Variants in HECW1 observed in about 807,000 individuals in gnomAD.
HECW1 encodes HECT, C2 and WW domain containing E3 ubiquitin protein ligase 1.
HECW1 carries 61 observed loss-of-function variants against 182.3 expected under a neutral mutation model. That is an observed-to-expected ratio of 0.33 (90% CI 0.27 to 0.41). HECW1 has a LOEUF of 0.41. HECW1 is among the 10% of genes least tolerant of loss of function. HECW1 has a pLI of 1.00. For synonymous variants in HECW1, 859 were observed against 832.6 expected (o/e 1.03, Z -0.55); for missense variants, 1,739 against 2,108.9 (o/e 0.82, Z 3.44).
chr7:43,350,522 CA>C (rs1167388736), intron 5 of HECW1, among the ~76,000 whole-genome samples: 1 of 152,130 alleles, frequency 6.6e-6, no homozygotes, highest in African/African-American at 2.4e-5. Flanking sequence ...GGTCATTTAA[CA>C]TAATCCCAGA....
At chr7:43,423,232 G>A (rs1312854318) in intron 8 of HECW1, among the ~76,000 whole-genome samples, 1 of 152,092 alleles carries the variant, frequency 6.6e-6, no homozygotes, top group Non-Finnish European at 1.5e-5. Context: ...ATTTCCCCAG[G>A]ACAGCAGTTT....
intron 15 of HECW1, 103 bp from the exon 16 acceptor site, chr7:43,468,817 G>A (rs1585003345): frequency 6.0e-6 from 6 of 992,282 alleles, no homozygotes; most frequent in South Asian, 1.6e-5. Flanking sequence ...ATAAACTGCT[G>A]TGTCACAATC....
At chr7:43,338,284 C>T (rs2152798395) in intron 5 of HECW1, among the ~76,000 whole-genome samples, 1 of 152,306 alleles carries the variant, frequency 6.6e-6, no homozygotes, top group South Asian at 2.1e-4. Flanking sequence ...TAGGGGACTG[C>T]AGCGTCAGTG....
intron 3 of HECW1, among the ~76,000 whole-genome samples, chr7:43,301,259 C>T (rs140778841): frequency 3.3e-5 from 5 of 152,332 alleles, no homozygotes; most frequent in East Asian, 1.9e-4. Flanking sequence ...AGTAAAGATA[C>T]GCTTTTCCAC....
At chr7:43,120,632 C>CTATT (rs55689806) in intron 2 of HECW1, among the ~76,000 whole-genome samples, 28,070 of 151,692 alleles carry the variant, frequency 0.19, 2,724 homozygotes, top group South Asian at 0.24. Flanking sequence ...TAAATCCCCT[C>CTATT]TATTTATTTA....
chr7:43,442,695 A>G, intron 10 of HECW1, 66 bp downstream of exon 10: 3 of 1,057,378 alleles, frequency 2.8e-6, no homozygotes, highest in Admixed American at 1.9e-5. Flanking sequence ...CCTTTTTCTA[A>G]AATACAATAA....
intron 3 of HECW1, among the ~76,000 whole-genome samples, chr7:43,291,577 A>G (rs1345514577): frequency 1.3e-5 from 2 of 152,242 alleles, no homozygotes; most frequent in Non-Finnish European, 2.9e-5. Flanking sequence ...GCACAAAGCA[A>G]GGAAACTTGA....
At chr7:43,120,834 G>A (rs1451028336) in intron 2 of HECW1, among the ~76,000 whole-genome samples, 1 of 151,934 alleles carries the variant, frequency 6.6e-6, no homozygotes, top group South Asian at 2.1e-4. Context: ...TGCAGAGATG[G>A]GTTTTCACCA....
rs57627873 is a variant in HECW1 at position 43,429,289 on chromosome 7, CATATATATAT to C, written c.802-8676_802-8667del. Among the ~76,000 whole-genome samples, 896 of 106,612 alleles carry C rather than the reference CATATATATAT, an allele frequency of 8.4e-3. 2 individuals carry two copies. The highest frequency in any genetic ancestry group is 0.012 in the East Asian group (49 of 4,164). 69.9% of individuals were successfully genotyped at this position (106,612 alleles called of 152,430 possible). A position where few individuals can be genotyped will look rare whatever the true frequency, so the allele number is the denominator to read the frequency against. ...ATATAAACTTTCCATATATTATATG[CATATATATAT>C]ATATATATATATATATATATATATA... is the stretch of plus-strand genomic sequence containing the variant. On this transcript the variant is annotated intron_variant, in intron 8 of 29. Coordinates refer to ENST00000395891, the MANE Select transcript of HECW1 (RefSeq NM_015052.5).
Position 43,485,717 on chromosome 7 carries a change from C to T in HECW1, c.3234+5973C>T, listed in dbSNP as rs76976176. The stretch of plus-strand genomic sequence containing the variant: ...AATATAAAAGATTTAAAAAATAGTA[C>T]ACCTGTATAGGATACTTACAGTGAA... On this transcript the variant is annotated intron_variant, in intron 17 of 29. Coordinates refer to ENST00000395891, the MANE Select transcript of HECW1 (RefSeq NM_015052.5). 1.5e-4 allele frequency among the ~76,000 whole-genome samples: 23 copies of T among 151,590 alleles called. 1 individual carries two copies. The East Asian group carries it at 3.7e-3, about 24-fold the overall frequency.
chr7:43,201,394 A>G (rs1795004413), intron 2 of HECW1, among the ~76,000 whole-genome samples: 1 of 152,224 alleles, frequency 6.6e-6, no homozygotes, highest in African/African-American at 2.4e-5. Context: ...GTGCATGTTC[A>G]TGGGGAAGCA....
intron 12 of HECW1, among the ~76,000 whole-genome samples, chr7:43,453,361 G>A (rs1664727275): frequency 6.6e-6 from 1 of 152,172 alleles, no homozygotes; most frequent in African/African-American, 2.4e-5. Context: ...GTGAGAGAAA[G>A]ATAGGTATCA....
Position 43,127,087 on chromosome 7 carries a change from T to C in HECW1, c.-32+12696T>C, listed in dbSNP as rs145661529. ...TATCAAAAGCTAGAAATGATCAAGC[T>C]TAGTGAGGACGGCATGTCAAAAGCC... On this transcript the variant is annotated intron_variant, in intron 2 of 29. Transcript: ENST00000395891. Among the ~76,000 whole-genome samples, 415 of 152,316 alleles carry C rather than the reference T, an allele frequency of 2.7e-3. 3 individuals are homozygous for C. Among genetic ancestry groups the C allele is most frequent in the African/African-American group, 8.6e-3 (359 of 41,574 alleles).
intron 2 of HECW1, among the ~76,000 whole-genome samples, chr7:43,217,067 A>T (rs1440433451): frequency 2.0e-5 from 3 of 151,026 alleles, no homozygotes; most frequent in Non-Finnish European, 4.4e-5. Flanking sequence ...CCATTTTAAT[A>T]GCTCCTTCTC....
At chr7:43,463,854 G>A in intron 14 of HECW1, 55 bp downstream of exon 14, 2 of 1,590,656 alleles carry the variant, frequency 1.3e-6, no homozygotes, top group Non-Finnish European at 1.7e-6. Context: ...CTGTGTGACA[G>A]AGGGCTACAA....
chr7:43,154,710 T>G (rs1170151088), intron 2 of HECW1, among the ~76,000 whole-genome samples: 1 of 152,200 alleles, frequency 6.6e-6, no homozygotes, highest in African/African-American at 2.4e-5. Flanking sequence ...CAGGAATGTC[T>G]TAAGCCACAC....
At chr7:43,414,154 T>C (rs1174526272) in intron 8 of HECW1, among the ~76,000 whole-genome samples, 22 of 149,036 alleles carry the variant, frequency 1.5e-4, no homozygotes, top group East Asian at 3.9e-4. Context: ...CTAGTTCTCC[T>C]TGAAGAGGTC....
chr7:43,482,331 A>T (rs139544422), intron 17 of HECW1, among the ~76,000 whole-genome samples: 2,055 of 152,326 alleles, frequency 0.013, 19 homozygotes, highest in Non-Finnish European at 0.022. Context: ...TGGTATCAAA[A>T]TAGAGGGGAG....
chr7:43,407,694 T>C lies in HECW1; in HGVS notation c.764T>C (p.Ile255Thr). ...CATGGACAGGAGAGGAGATCCAAGA[T>C]CATAGGCAACACCGTGAACCCCATC... ...PHHGQERRSK[I>T]IGNTVNPIWQ... Residue 255 changes from isoleucine to threonine, a missense_variant, in exon 8 of 30, where the codon ATC (isoleucine) becomes ACC (threonine). Physicochemically the swap from Ile to Thr is moderately conservative, Grantham distance 89. Coordinates refer to ENST00000395891, the MANE Select transcript of HECW1 (RefSeq NM_015052.5). 6.2e-7 allele frequency: 1 copy of C among 1,613,796 alleles called. No homozygotes were observed.
Sources: gnomAD v4.1 joint callset for allele counts (sites outside exome capture counted in the v4.1 genomes callset) on GRCh38, gnomAD v4.1.1 for gene constraint, MANE v1.5 for transcripts, NCBI Gene and HGNC (gene_info 2026-07-23, HGNC 2026-07-21) for gene names.